The following ADAMTSL3 variants were observed in gnomAD, a reference collection of about 807,000 sequenced individuals.
ADAMTSL3 encodes the protein ADAMTS like 3.
ADAMTSL3 carries 128 observed loss-of-function variants against 201.7 expected under a neutral mutation model. The observed-to-expected ratio is 0.63, with a 90% CI of 0.55 to 0.73. The LOEUF is 0.73. Among genes scored for constraint, ADAMTSL3 ranks in the 30% least tolerant of loss-of-function variants. The pLI is 0.00. For missense variants in ADAMTSL3, 1,990 were observed against 2,119.6 expected (o/e 0.94, Z 1.20); for synonymous variants, 738 against 748.4 (o/e 0.99, Z 0.23).
chr15:83,724,352 C>T (rs1250657328), intron 3 of ADAMTSL3, among the ~76,000 whole-genome samples: 3 of 152,018 alleles, frequency 2.0e-5, no homozygotes, highest in Non-Finnish European at 2.9e-5. Context: ...CCTGCCTCAG[C>T]CTTCCAAAGT....
At chr15:83,828,468 G>A (rs138285114) in intron 6 of ADAMTSL3, among the ~76,000 whole-genome samples, 11,711 of 152,232 alleles carry the variant, frequency 0.077, 597 homozygotes, top group Non-Finnish European at 0.11. Context: ...CATGTCATCT[G>A]CAGACAGGGA....
chr15:83,702,743 G>A lies in ADAMTSL3; in HGVS notation c.70-1646G>A, dbSNP rs554162482. On this transcript the variant is annotated intron_variant, in intron 2 of 29. Transcript: ENST00000286744. ...CTGGATGCCCAGGCAAAAGTTTGCT[G>A]CAGGGGCGGGGCCCTCATGAAGAAC... is the stretch of plus-strand genomic sequence containing the variant. 2.6e-5 allele frequency among the ~76,000 whole-genome samples: 4 copies of A among 152,348 alleles called. No individual in the cohort carries two copies. In the South Asian group the frequency reaches 8.3e-4, roughly 32 times the overall value.
chr15:83,834,658 A>G (rs2064228576), intron 6 of ADAMTSL3, among the ~76,000 whole-genome samples: 1 of 152,206 alleles, frequency 6.6e-6, no homozygotes, highest in Non-Finnish European at 1.5e-5. Context: ...TTATAGATGA[A>G]TATTTATTCC....
At chr15:83,869,331 T>A (rs546056260) in intron 8 of ADAMTSL3, among the ~76,000 whole-genome samples, 10 of 152,294 alleles carry the variant, frequency 6.6e-5, no homozygotes, top group African/African-American at 2.4e-4. Context: ...TATATCTTCA[T>A]TGGAACTAGG....
intron 14 of ADAMTSL3, among the ~76,000 whole-genome samples, chr15:83,899,151 G>A (rs1009199030): frequency 6.6e-6 from 1 of 152,060 alleles, no homozygotes; most frequent in Non-Finnish European, 1.5e-5. Flanking sequence ...AGATGTAATT[G>A]GTAATCATCT....
chr15:84,003,634 A>C (rs953701204), intron 23 of ADAMTSL3, among the ~76,000 whole-genome samples: 2 of 152,172 alleles, frequency 1.3e-5, no homozygotes, highest in African/African-American at 4.8e-5. Flanking sequence ...CATACCAGGC[A>C]GTAAAAGTGA....
intron 3 of ADAMTSL3, among the ~76,000 whole-genome samples, chr15:83,768,586 A>C (rs2062928979): frequency 6.6e-6 from 1 of 152,210 alleles, no homozygotes; most frequent in African/African-American, 2.4e-5. Flanking sequence ...AGAAGGAACT[A>C]GGAGGCCTTC....
chr15:83,801,653 T>TAA (rs1555445600), intron 4 of ADAMTSL3, among the ~76,000 whole-genome samples: 35 of 33,994 alleles, frequency 1.0e-3, no homozygotes, highest in African/African-American at 2.2e-3. Flanking sequence ...TAAATATAAA[T>TAA]ATATATATAT....
At chr15:83,823,013 C>T (rs936185689) in intron 6 of ADAMTSL3, among the ~76,000 whole-genome samples, 18 of 151,992 alleles carry the variant, frequency 1.2e-4, no homozygotes, top group African/African-American at 3.4e-4. Flanking sequence ...GCCAACACAG[C>T]GAAACCCCGT....
intron 7 of ADAMTSL3, among the ~76,000 whole-genome samples, chr15:83,856,449 C>CTA (rs1293055505): frequency 3.3e-5 from 5 of 152,104 alleles, no homozygotes; most frequent in Non-Finnish European, 7.4e-5. Context: ...ACTGCTAAGA[C>CTA]TATAGATGGG....
intron 23 of ADAMTSL3, among the ~76,000 whole-genome samples, chr15:84,009,384 A>G (rs1228414514): frequency 2.0e-5 from 3 of 152,246 alleles, no homozygotes; most frequent in Non-Finnish European, 2.9e-5. Context: ...TTTCAAAGGT[A>G]TAAAATAAAA....
intron 3 of ADAMTSL3, among the ~76,000 whole-genome samples, chr15:83,745,030 G>T (rs1411344112): frequency 3.3e-5 from 5 of 152,172 alleles, no homozygotes; most frequent in African/African-American, 1.2e-4. Context: ...ACCACCCATG[G>T]CCTGCCCTGC....
chr15:83,757,213 AG>A (rs1453761872), intron 3 of ADAMTSL3, among the ~76,000 whole-genome samples: 9 of 152,230 alleles, frequency 5.9e-5, no homozygotes, highest in Non-Finnish European at 1.3e-4. Context: ...CTGCCCTAGC[AG>A]AGGTTCTCCA....
intron 4 of ADAMTSL3, among the ~76,000 whole-genome samples, chr15:83,798,672 C>T (rs1445414329): frequency 1.3e-5 from 2 of 151,760 alleles, no homozygotes; most frequent in Non-Finnish European, 2.9e-5. Context: ...CAGGCGTGGT[C>T]AGTGCATGCC....
At chr15:83,888,677 G>T (rs986709233) in intron 10 of ADAMTSL3, among the ~76,000 whole-genome samples, 1 of 152,150 alleles carries the variant, frequency 6.6e-6, no homozygotes, top group Non-Finnish European at 1.5e-5. Context: ...ATTTGGAGAA[G>T]GTACCTAGAT....
At chr15:84,010,537 A>T (rs868126354) in intron 23 of ADAMTSL3, among the ~76,000 whole-genome samples, 1 of 152,216 alleles carries the variant, frequency 6.6e-6, no homozygotes, top group Non-Finnish European at 1.5e-5. Context: ...TGCCAGGCCT[A>T]TACTCATGAT....
chr15:83,829,468 A>C (rs906175413), intron 6 of ADAMTSL3, among the ~76,000 whole-genome samples: 2 of 152,006 alleles, frequency 1.3e-5, no homozygotes, highest in Admixed American at 6.6e-5. Context: ...TGATCTTTTC[A>C]AAAAACCAGC....
At chr15:83,720,267 C>T (rs1042158868) in intron 3 of ADAMTSL3, among the ~76,000 whole-genome samples, 8 of 151,800 alleles carry the variant, frequency 5.3e-5, no homozygotes, top group African/African-American at 1.9e-4. Context: ...CACTTTTTTG[C>T]CATACTACAT....
chr15:83,801,191 C>A (rs1024284789), intron 4 of ADAMTSL3, among the ~76,000 whole-genome samples: 12 of 152,268 alleles, frequency 7.9e-5, no homozygotes, highest in Middle Eastern at 6.8e-3. Context: ...ACATGGCCAA[C>A]CCATTGTGAT....
Sources: allele counts gnomAD v4.1 joint callset (sites outside exome capture counted in the v4.1 genomes callset), GRCh38; gene constraint gnomAD v4.1.1; transcripts MANE v1.5; gene names NCBI Gene and HGNC (gene_info 2026-07-23, HGNC 2026-07-21).